The following HAUS2 variants were observed in gnomAD, a reference collection of about 807,000 sequenced individuals.
The protein encoded by HAUS2 is HAUS augmin like complex subunit 2, also known as HAUS augmin-like complex subunit 2.
HAUS2 carries 20 observed loss-of-function variants against 21.6 expected under a neutral mutation model. That is an observed-to-expected ratio of 0.93 (90% CI 0.65 to 1.35). The LOEUF is 1.35. Ranked by LOEUF, HAUS2 falls within the 40% of genes most tolerant of loss-of-function variation. HAUS2 has a pLI of 0.00. For missense variants in HAUS2, 297 were observed against 280.7 expected, an observed-to-expected ratio of 1.06 and a Z score of -0.42; for synonymous variants, 113 against 95.6, an observed-to-expected ratio of 1.18 and a Z score of -1.06.
At chr15:42,558,111 C>T (rs528238819) in intron 1 of HAUS2, 87 bp from the exon 2 acceptor site, 4 of 652,058 alleles carry the variant, frequency 6.1e-6, no homozygotes, top group African/African-American at 3.8e-5. Context: ...AATATTTTCT[C>T]ATATTTTAGA....
chr15:42,555,089 A>G (rs2057758652), intron 1 of HAUS2, among the ~76,000 whole-genome samples: 1 of 151,606 alleles, frequency 6.6e-6, no homozygotes, highest in Non-Finnish European at 1.5e-5. Context: ...TCCTGGGTTC[A>G]AGCGATTCTC....
chr15:42,562,013 C>T (rs1476764402), intron 4 of HAUS2, among the ~76,000 whole-genome samples: 1 of 141,166 alleles, frequency 7.1e-6, no homozygotes, highest in East Asian at 2.0e-4. Flanking sequence ...CCTGTTTCTA[C>T]AAAAAAAAAA....
intron 1 of HAUS2, among the ~76,000 whole-genome samples, chr15:42,555,780 A>C (rs2057766566): frequency 6.6e-6 from 1 of 152,148 alleles, no homozygotes; most frequent in South Asian, 2.1e-4. Flanking sequence ...GTAAACTTTT[A>C]CTATGAAGAG....
intron 1 of HAUS2, among the ~76,000 whole-genome samples, chr15:42,554,231 CTA>C (rs1471962117): frequency 1.3e-5 from 2 of 152,080 alleles, no homozygotes; most frequent in African/African-American, 4.8e-5. Flanking sequence ...CCTCTCCAGT[CTA>C]TTTCTCCACT....
chr15:42,563,728 A>G, intron 4 of HAUS2, 21 bp from the exon 5 acceptor site: 3 of 1,196,868 alleles, frequency 2.5e-6, no homozygotes, highest in Non-Finnish European at 3.7e-6. Context: ...AAAATGGTTG[A>G]CTTTTTTCTT....
intron 2 of HAUS2, 48 bp from the exon 3 acceptor site, chr15:42,559,291 A>T (rs367982973): frequency 1.8e-6 from 2 of 1,131,882 alleles, no homozygotes; most frequent in Admixed American, 3.4e-5. Context: ...GCACCTGGCC[A>T]TGGACACTTT....
intron 1 of HAUS2, among the ~76,000 whole-genome samples, chr15:42,556,266 T>G (rs965122703): frequency 2.2e-5 from 3 of 136,164 alleles, no homozygotes; most frequent in Non-Finnish European, 3.2e-5. Context: ...CCAGGCTTTT[T>G]TTTTTTTTTT....
intron 1 of HAUS2, among the ~76,000 whole-genome samples, chr15:42,549,764 G>GTAAAAAA (rs2057701459): frequency 3.0e-5 from 1 of 32,996 alleles, no homozygotes; most frequent in Non-Finnish European, 6.7e-5. Flanking sequence ...ATCTTTAAAG[G>GTAAAAAA]CAAAAAAAAA....
At chr15:42,549,998 G>A (rs889094578) in intron 1 of HAUS2, among the ~76,000 whole-genome samples, 4 of 152,116 alleles carry the variant, frequency 2.6e-5, no homozygotes, top group Admixed American at 2.6e-4. Flanking sequence ...CATGGGGCAA[G>A]TGGGATCAAG....
intron 1 of HAUS2, among the ~76,000 whole-genome samples, chr15:42,553,527 G>T (rs1403813174): frequency 6.7e-6 from 1 of 149,868 alleles, no homozygotes; most frequent in Admixed American, 6.6e-5. Context: ...TCAAATAGTT[G>T]TACTTCCTAT....
Position 42,568,548 on chromosome 15 carries a change from CAT to C in HAUS2, c.*1735_*1736del, listed in dbSNP as rs2057929230. Reference sequence around the variant, plus strand: ...TTTCCAACACTTGAACTTTGGGGGACATATTTAAACCTTAACAGGAGGGCTCC... The same window carrying C: ...TTTCCAACACTTGAACTTTGGGGGACATTTAAACCTTAACAGGAGGGCTCC... On this transcript the variant is annotated 3_prime_UTR_variant, in exon 6 of 6. Transcript: ENST00000260372. 6.6e-6 allele frequency: 1 copy of C among 151,974 alleles called. No individual in the cohort carries two copies. Among genetic ancestry groups the C allele is most frequent in the African/African-American group, 2.4e-5 (1 of 41,264 alleles). The allele number at this position is 151,974 out of a possible 1,614,324, so 9.4% of individuals were successfully genotyped here. A position where few individuals can be genotyped will look rare whatever the true frequency, so the allele number is the denominator to read the frequency against.
Position 42,566,958 on chromosome 15 carries a change from A to G in HAUS2, c.*142A>G. 1 of 515,672 alleles carries G rather than the reference A, an allele frequency of 1.9e-6. No homozygotes were observed. Among genetic ancestry groups the G allele is most frequent in the Non-Finnish European group, 3.4e-6 (1 of 292,096 alleles). The allele number at this position is 515,672 out of a possible 1,614,324, so 31.9% of individuals were successfully genotyped here. A position where few individuals can be genotyped will look rare whatever the true frequency, so the allele number is the denominator to read the frequency against. ...ATTGGAGTATCAAGATCTCAGGTTCATTAAGACCAAACTGACTTTTCCTTT... is the reference window on the plus strand; with the variant it reads ...ATTGGAGTATCAAGATCTCAGGTTCGTTAAGACCAAACTGACTTTTCCTTT... On this transcript the variant is annotated 3_prime_UTR_variant, in exon 6 of 6. Coordinates refer to ENST00000260372, the MANE Select transcript of HAUS2 (RefSeq NM_018097.3).
chr15:42,566,073 G>A (rs1391232484), intron 5 of HAUS2, among the ~76,000 whole-genome samples: 1 of 152,026 alleles, frequency 6.6e-6, no homozygotes, highest in Non-Finnish European at 1.5e-5. Flanking sequence ...GTGGTGGCAC[G>A]TGCCTGTAGT....
At chr15:42,563,516 G>C (rs1323364179) in intron 4 of HAUS2, among the ~76,000 whole-genome samples, 1 of 151,918 alleles carries the variant, frequency 6.6e-6, no homozygotes, top group Non-Finnish European at 1.5e-5. Flanking sequence ...ATTCCAGATA[G>C]GATTACTGTT....
chr15:42,551,075 AC>A (rs946624519), intron 1 of HAUS2, among the ~76,000 whole-genome samples: 16 of 142,814 alleles, frequency 1.1e-4, no homozygotes, highest in African/African-American at 3.9e-4. Flanking sequence ...GGCTCACTGT[AC>A]CCTCTGCCAC....
chr15:42,561,106 T>C (rs914887368), intron 3 of HAUS2, among the ~76,000 whole-genome samples, 164 bp from the exon 4 acceptor site: 21 of 152,142 alleles, frequency 1.4e-4, no homozygotes, highest in Non-Finnish European at 2.6e-4. Flanking sequence ...GAGAAAGTTG[T>C]TGAAAATGAA....
chr15:42,563,747 A>T lies in HAUS2; in HGVS notation c.390-2A>T. The T allele has an allele frequency of 7.0e-7, 1 of 1,424,588 alleles. No homozygotes were observed. Among genetic ancestry groups the T allele is most frequent in the Non-Finnish European group, 9.9e-7 (1 of 1,010,300 alleles). 88.2% of individuals were successfully genotyped at this position (1,424,588 alleles called of 1,614,324 possible). ...TGGTTGACTTTTTTCTTTCTCTTTC[A>T]GATATATGGTACATTTGCTGGAGTT... On this transcript the variant is annotated splice_acceptor_variant, in intron 4 of 5. Coordinates refer to ENST00000260372, the MANE Select transcript of HAUS2 (RefSeq NM_018097.3). LOFTEE classifies it high-confidence loss of function.
At chr15:42,551,806 G>A (rs1157130838) in intron 1 of HAUS2, among the ~76,000 whole-genome samples, 1 of 152,026 alleles carries the variant, frequency 6.6e-6, no homozygotes, top group African/African-American at 2.4e-5. Context: ...GGTGTCTACT[G>A]TCTCTCAAGT....
intron 1 of HAUS2, among the ~76,000 whole-genome samples, chr15:42,556,293 G>T (rs978173865): frequency 8.0e-6 from 1 of 124,934 alleles, no homozygotes; most frequent in African/African-American, 3.2e-5. Context: ...TTGAGACAGG[G>T]TCTCACTCTG....
Sources: allele counts gnomAD v4.1 joint callset (sites outside exome capture counted in the v4.1 genomes callset), GRCh38; gene constraint gnomAD v4.1.1; transcripts MANE v1.5; gene names NCBI Gene and HGNC (gene_info 2026-07-23, HGNC 2026-07-21).